PYGB: variants seen among roughly 807,000 people sequenced by gnomAD.
PYGB encodes glycogen phosphorylase, brain form.
Under a neutral mutation model 94.3 loss-of-function variants are expected in PYGB, and 82 were observed. The observed-to-expected ratio is 0.87, with a 90% CI of 0.73 to 1.04. The LOEUF (loss-of-function observed/expected upper bound fraction) is 1.04. Ranked by LOEUF, PYGB falls within the 50% of genes least tolerant of loss-of-function variation. The pLI is 0.00. For synonymous variants in PYGB, 488 were observed against 479.1 expected, an observed-to-expected ratio of 1.02 and a Z score of -0.24; for missense variants, 1,132 against 1,158.2, an observed-to-expected ratio of 0.98 and a Z score of 0.33.
intron 11 of PYGB, 51 bp from the exon 12 acceptor site, chr20:25,281,982 C>T (rs1241304374): frequency 1.4e-6 from 2 of 1,479,754 alleles, no homozygotes; most frequent in Non-Finnish European, 1.9e-6. Context: ...TGTTGCTCAC[C>T]TGGTGCAGGG....
rs538159974 is a variant in PYGB, at chr20:25,264,655, A to T, written c.346-4474A>T. Among the ~76,000 whole-genome samples the T allele has an allele frequency of 5.9e-5, 9 of 152,370 alleles. No homozygotes were observed. The South Asian group carries it at 1.2e-3, about 21-fold the overall frequency. ...AAACAGACAAACAGAGGGCCAAATC[A>T]TGAGTGAACTCCCATTCACAATTGC... On this transcript the variant is annotated intron_variant, in intron 2 of 19. Coordinates refer to ENST00000216962, the MANE Select transcript of PYGB (RefSeq NM_002862.4).
intron 2 of PYGB, among the ~76,000 whole-genome samples, chr20:25,268,705 G>A (rs989875226): frequency 3.9e-5 from 6 of 152,130 alleles, no homozygotes; most frequent in Non-Finnish European, 5.9e-5. Context: ...AGTGTCAATC[G>A]TGATTTTATT....
rs73343053 is a variant in PYGB at position 25,287,673 on chromosome 20, C to T, written c.1769-752C>T. On this transcript the variant is annotated intron_variant, in intron 14 of 19. Coordinates refer to ENST00000216962, the MANE Select transcript of PYGB (RefSeq NM_002862.4). Reference sequence around the variant, plus strand: ...TCTTAAAAACAAAAACAAACAACAACAAAAAAAACCCAAGAGTGGTAGAGT... The same window carrying T: ...TCTTAAAAACAAAAACAAACAACAATAAAAAAAACCCAAGAGTGGTAGAGT... Among the ~76,000 whole-genome samples the T allele has an allele frequency of 5.6e-3, 844 of 151,450 alleles. 12 individuals are homozygous for T. Among genetic ancestry groups the T allele is most frequent in the African/African-American group, 0.02 (807 of 41,270 alleles).
At chr20:25,250,753 C>T (rs2092885377) in intron 1 of PYGB, among the ~76,000 whole-genome samples, 1 of 152,170 alleles carries the variant, frequency 6.6e-6, no homozygotes. Flanking sequence ...GGTAATGTGA[C>T]ACTCTAGAGC....
intron 18 of PYGB, chr20:25,295,023 G>A (rs770833147): frequency 1.2e-6 from 2 of 1,614,234 alleles, no homozygotes. Flanking sequence ...CCTGGGCCCT[G>A]CTGAGGTCTG....
chr20:25,271,307 G>A lies in PYGB; in HGVS notation c.425-76G>A, dbSNP rs991985672. ...GATCCCCTCTGAATTTCTGCCTTGC[G>A]CCCTGTGGGCTGCCTCCGCATGGGA... On this transcript the variant is annotated intron_variant, in intron 3 of 19. Coordinates refer to ENST00000216962, the MANE Select transcript of PYGB (RefSeq NM_002862.4). 6.9e-5 allele frequency: 95 copies of A among 1,382,638 alleles called. No homozygotes were observed. In the African/African-American group the frequency reaches 1.0e-3, roughly 15 times the overall value. The allele number at this position is 1,382,638 out of a possible 1,614,324, so 85.6% of individuals were successfully genotyped here. A position where few individuals can be genotyped will look rare whatever the true frequency, so the allele number is the denominator to read the frequency against.
chr20:25,273,365 G>T (rs564478647), intron 4 of PYGB, among the ~76,000 whole-genome samples: 9 of 151,548 alleles, frequency 5.9e-5, no homozygotes, highest in African/African-American at 9.8e-5. Flanking sequence ...TGTGCGGAGG[G>T]GCCTGCTGTG....
chr20:25,288,379 TC>T (rs1388309460), intron 14 of PYGB, 45 bp from the exon 15 acceptor site: 1 of 1,611,436 alleles, frequency 6.2e-7, no homozygotes, highest in South Asian at 1.1e-5. Context: ...CAGGGGCTCG[TC>T]CGGCTCGCGG....
At chr20:25,248,893 A>AC (rs968842896) in intron 1 of PYGB, among the ~76,000 whole-genome samples, 3 of 147,742 alleles carry the variant, frequency 2.0e-5, no homozygotes, top group Non-Finnish European at 4.4e-5. Context: ...GAATTGTGAG[A>AC]CTTTTTTTTG....
Position 25,265,285 on chromosome 20 carries a change from A to AT in PYGB, c.346-3834dup, listed in dbSNP as rs35189278. Among the ~76,000 whole-genome samples, 267 of 150,948 alleles carry AT rather than the reference A, an allele frequency of 1.8e-3. 2 individuals are homozygous for AT. The highest frequency in any genetic ancestry group is 6.0e-3 in the African/African-American group (248 of 41,254). ...GGATCATATGGCAGTTCCATTCTTA[A>AT]TTTTTTTTTTGGAACCACCAAAATG... On this transcript the variant is annotated intron_variant, in intron 2 of 19. Transcript: ENST00000216962.
chr20:25,259,396 A>G (rs2092908881), intron 2 of PYGB, 58 bp downstream of exon 2: 2 of 1,379,348 alleles, frequency 1.4e-6, no homozygotes, highest in Admixed American at 1.8e-5. Context: ...TGAGGTCTGA[A>G]TCCATTTTCC....
intron 3 of PYGB, among the ~76,000 whole-genome samples, chr20:25,270,080 C>G (rs1223865877): frequency 6.6e-6 from 1 of 152,208 alleles, no homozygotes; most frequent in South Asian, 2.1e-4. Flanking sequence ...TCATCCCTCT[C>G]CCTCAGCAGA....
intron 1 of PYGB, among the ~76,000 whole-genome samples, chr20:25,252,857 A>T (rs764582958): frequency 3.9e-5 from 6 of 152,030 alleles, no homozygotes; most frequent in Non-Finnish European, 8.8e-5. Flanking sequence ...CTCTCCCTTC[A>T]CTGGAGGTTG....
At chr20:25,269,052 CTT>C in intron 2 of PYGB, 75 bp from the exon 3 acceptor site, 1 of 1,253,056 alleles carries the variant, frequency 8.0e-7, no homozygotes, top group Non-Finnish European at 1.2e-6. Context: ...GCTCACAAGA[CTT>C]ACACATCTTT....
intron 2 of PYGB, among the ~76,000 whole-genome samples, chr20:25,262,747 C>T (rs1003174847): frequency 1.2e-4 from 18 of 151,538 alleles, no homozygotes; most frequent in African/African-American, 4.4e-4. Flanking sequence ...CACACATAGG[C>T]TCAAAATAAA....
chr20:25,260,588 C>T (rs1283138448), intron 2 of PYGB, among the ~76,000 whole-genome samples: 1 of 152,206 alleles, frequency 6.6e-6, no homozygotes, highest in Non-Finnish European at 1.5e-5. Flanking sequence ...TTCTGCATTT[C>T]CAACTGAGGT....
rs1314297650 is a variant in PYGB at position 25,296,930 on chromosome 20, A to ATGAG, written c.*411_*414dup. ...CCAGTGGCCATAGTGAAGCCTGGGA[A>ATGAG]TGAGTGTTACTGCAGCATCTGGGCT... On this transcript the variant is annotated 3_prime_UTR_variant, in exon 20 of 20. Coordinates refer to ENST00000216962, the MANE Select transcript of PYGB (RefSeq NM_002862.4). The ATGAG allele has an allele frequency of 5.6e-6, 1 of 178,084 alleles. No homozygotes were observed. The highest frequency in any genetic ancestry group is 2.4e-5 in the African/African-American group (1 of 41,762). The allele number at this position is 178,084 out of a possible 1,614,324, so 11.0% of individuals were successfully genotyped here. A position where few individuals can be genotyped will look rare whatever the true frequency, so the allele number is the denominator to read the frequency against.
rs760321972 is a variant in PYGB at position 25,279,099 on chromosome 20, C to T, written c.1042C>T (p.Pro348Ser). Residue 348 changes from proline (P) to serine (S), a missense_variant, in exon 9 of 20, where the codon CCT becomes TCT. Coordinates refer to ENST00000216962, the MANE Select transcript of PYGB (RefSeq NM_002862.4). Reference sequence around the variant, plus strand: ...CGACACCCACCCCGCCCTCTCCATCCCTGAGCTCATGCGGATCCTGGTGGA... The same window carrying T: ...CGACACCCACCCCGCCCTCTCCATCTCTGAGCTCATGCGGATCCTGGTGGA... ...LNDTHPALSIPELMRILVDVE... is the reference protein window; with the variant it reads ...LNDTHPALSISELMRILVDVE... 1 of 1,613,952 alleles carries T rather than the reference C, an allele frequency of 6.2e-7. No homozygotes were observed. The highest frequency in any genetic ancestry group is 1.1e-5 in the South Asian group (1 of 91,076).
intron 9 of PYGB, among the ~76,000 whole-genome samples, chr20:25,279,602 G>T (rs1344330912): frequency 6.6e-6 from 1 of 152,050 alleles, no homozygotes; most frequent in African/African-American, 2.4e-5. Flanking sequence ...ACTCACACCC[G>T]TAATCCTAGT....
Sources: gnomAD v4.1 joint callset for allele counts (sites outside exome capture counted in the v4.1 genomes callset) on GRCh38, gnomAD v4.1.1 for gene constraint, MANE v1.5 for transcripts, NCBI Gene and HGNC (gene_info 2026-07-23, HGNC 2026-07-21) for gene names.